CPE: variants seen among roughly 807,000 people sequenced by gnomAD.
CPE encodes the protein carbocypeptidase E.
Under a neutral mutation model 53.5 loss-of-function variants are expected in CPE, and 17 were observed. The ratio of observed to expected loss-of-function variants is 0.32; its 90% CI spans 0.22 to 0.48. The LOEUF (loss-of-function observed/expected upper bound fraction) is 0.48, where lower values mean the gene tolerates loss of function less well. Among genes scored for constraint, CPE ranks in the 20% least tolerant of loss-of-function variants. CPE has a pLI of 0.99. For missense variants in CPE, 524 were observed against 614.7 expected (o/e 0.85, Z 1.56); for synonymous variants, 226 against 228.8 (o/e 0.99, Z 0.11).
intron 3 of CPE, among the ~76,000 whole-genome samples, chr4:165,469,901 G>T (rs1281204873): frequency 3.3e-5 from 5 of 152,192 alleles, no homozygotes; most frequent in Non-Finnish European, 7.3e-5. Flanking sequence ...TGGGATGCTG[G>T]ATGAAGGATC....
In CPE at chr4:165,391,516, T is replaced by C. The variant is rs188351938; in HGVS notation, c.307+11988T>C. Reference sequence around the variant, plus strand: ...CAACTTGCAGTGTAAATCATCCTAATTGGACAGATCACTGAGAAAAAACAA... The same window carrying C: ...CAACTTGCAGTGTAAATCATCCTAACTGGACAGATCACTGAGAAAAAACAA... On this transcript the variant is annotated intron_variant, in intron 1 of 8. Coordinates refer to ENST00000402744, the MANE Select transcript of CPE (RefSeq NM_001873.4). 2.1e-3 allele frequency among the ~76,000 whole-genome samples: 314 copies of C among 152,176 alleles called. 1 individual carries two copies. Among genetic ancestry groups the C allele is most frequent in the African/African-American group, 7.1e-3 (293 of 41,534 alleles).
chr4:165,448,363 C>A (rs1731750792), intron 1 of CPE, among the ~76,000 whole-genome samples: 1 of 152,192 alleles, frequency 6.6e-6, no homozygotes, highest in South Asian at 2.1e-4. Flanking sequence ...CAAGAACATG[C>A]AAGAACAATG....
intron 1 of CPE, among the ~76,000 whole-genome samples, chr4:165,388,953 A>G (rs1730639744): frequency 6.6e-6 from 1 of 152,172 alleles, no homozygotes; most frequent in Admixed American, 6.6e-5. Flanking sequence ...TTTCAACATA[A>G]CCAGCATCAG....
At chr4:165,417,439 A>G (rs1418105737) in intron 1 of CPE, among the ~76,000 whole-genome samples, 1 of 152,214 alleles carries the variant, frequency 6.6e-6, no homozygotes, top group Non-Finnish European at 1.5e-5. Flanking sequence ...TAGGAATTAT[A>G]CTTCTATTTT....
chr4:165,493,665 G>A (rs1482542561), intron 7 of CPE, among the ~76,000 whole-genome samples: 1 of 152,218 alleles, frequency 6.6e-6, no homozygotes, highest in Non-Finnish European at 1.5e-5. Flanking sequence ...CCGAAGGAGG[G>A]AGCGGAAAGA....
intron 1 of CPE, chr4:165,405,572 T>C: frequency 2.4e-6 from 2 of 842,954 alleles, no homozygotes; most frequent in South Asian, 2.6e-5. Flanking sequence ...TGTTAATTTT[T>C]CCACTAATCC....
chr4:165,386,272 G>T, intron 1 of CPE: 3 of 517,756 alleles, frequency 5.8e-6, no homozygotes, highest in South Asian at 4.4e-5. Context: ...TACAATCCCG[G>T]ACAACAAGAA....
intron 1 of CPE, chr4:165,404,208 G>A: frequency 1.3e-6 from 1 of 759,840 alleles, no homozygotes; most frequent in Non-Finnish European, 2.5e-6. Flanking sequence ...AAGCAGAAAG[G>A]CCCTCCAAGA....
intron 1 of CPE, among the ~76,000 whole-genome samples, chr4:165,456,087 G>A (rs1322639847): frequency 6.6e-6 from 1 of 152,128 alleles, no homozygotes; most frequent in Non-Finnish European, 1.5e-5. Flanking sequence ...TTATATGAAT[G>A]GGAATGGAAA....
Position 165,482,333 on chromosome 4 carries a change from A to G in CPE, c.764A>G (p.Asn255Ser), listed in dbSNP as rs1363307800. The G allele has an allele frequency of 2.5e-6, 4 of 1,613,264 alleles. No individual in the cohort carries two copies. Among genetic ancestry groups the G allele is most frequent in the African/African-American group, 1.3e-5 (1 of 74,904 alleles). The change falls in exon 4 of 9, where the codon AAT becomes AGT. Residue 255 changes from asparagine to serine, a missense_variant. Coordinates refer to ENST00000402744, the MANE Select transcript of CPE (RefSeq NM_001873.4). ...ANLHGGDLVA[N>S]YPYDETRSGS... is the part of the protein sequence containing the mutation. The stretch of plus-strand genomic sequence containing the variant: ...CTCCATGGAGGAGACCTTGTGGCCA[A>G]TTATCCATATGATGAGACGCGGAGT...
At position 165,484,435 on chromosome 4, in the gene CPE, A is replaced by G; in HGVS notation, c.804A>G (p.Glu268=). ...YDETRSGSAH[E]YSSSPDDAIF... ...TTTGTTTTCTAGGTAGTGCTCACGAATACAGCTCCTCCCCAGATGACGCCA... is the reference window on the plus strand; with the variant it reads ...TTTGTTTTCTAGGTAGTGCTCACGAGTACAGCTCCTCCCCAGATGACGCCA... Residue 268 remains glutamate (E), a synonymous_variant, in exon 5 of 9, where the codon GAA becomes GAG. Transcript: ENST00000402744. The G allele has an allele frequency of 3.1e-6, 5 of 1,613,946 alleles. No individual in the cohort carries two copies. Among genetic ancestry groups the G allele is most frequent in the Non-Finnish European group, 4.2e-6 (5 of 1,179,878 alleles).
Position 165,379,218 on chromosome 4 carries a change from A to C in CPE, c.-4A>C. The C allele has an allele frequency of 8.1e-7, 1 of 1,229,008 alleles. No homozygotes were observed. The highest frequency in any genetic ancestry group is 1.0e-6 in the Non-Finnish European group (1 of 988,180). 76.1% of individuals were successfully genotyped at this position (1,229,008 alleles called of 1,614,324 possible). ...GGCACGGCCGGCGGCGGCGGAGCGC[A>C]GCGATGGCCGGGCGAGGGGGCAGCG... On this transcript the variant is annotated 5_prime_UTR_variant, in exon 1 of 9. Coordinates refer to ENST00000402744, the MANE Select transcript of CPE (RefSeq NM_001873.4). The surrounding 1 kb of genome is among the most constrained non-coding windows in gnomAD (Gnocchi z 6.0).
rs80026605 is a variant in CPE, at chr4:165,454,774, A to G, written c.308-9616A>G. ...TGACGTACAGTTTTCTCTTTGTTCC[A>G]GAGAACTATCAAAATTGTCACTGAC... On this transcript the variant is annotated intron_variant, in intron 1 of 8. Coordinates refer to ENST00000402744, the MANE Select transcript of CPE (RefSeq NM_001873.4). Among the ~76,000 whole-genome samples the G allele has an allele frequency of 7.4e-3, 1,130 of 152,332 alleles. 12 individuals are homozygous for G. The highest frequency in any genetic ancestry group is 0.025 in the African/African-American group (1,053 of 41,580).
intron 3 of CPE, among the ~76,000 whole-genome samples, chr4:165,477,331 A>G (rs964026464): frequency 6.6e-5 from 10 of 152,240 alleles, no homozygotes; most frequent in Admixed American, 5.9e-4. Flanking sequence ...ACTTCTTTTC[A>G]TAAAGGTAAA....
intron 3 of CPE, among the ~76,000 whole-genome samples, chr4:165,477,625 G>T (rs1436167457): frequency 6.6e-6 from 1 of 151,842 alleles, no homozygotes; most frequent in Non-Finnish European, 1.5e-5. Context: ...CCTTATAGAG[G>T]TTCTTAAATG....
At chr4:165,453,632 G>A (rs572565850) in intron 1 of CPE, among the ~76,000 whole-genome samples, 3 of 152,004 alleles carry the variant, frequency 2.0e-5, no homozygotes, top group East Asian at 2.0e-4. Flanking sequence ...TGATCCTCCC[G>A]CCTTGGTTTC....
intron 2 of CPE, among the ~76,000 whole-genome samples, chr4:165,466,813 G>T (rs1732113583): frequency 6.6e-6 from 1 of 152,064 alleles, no homozygotes; most frequent in Admixed American, 6.6e-5. Flanking sequence ...ACTGCACCTG[G>T]CCACCTTACT....
In CPE at chr4:165,467,805, A is replaced by T. The variant is rs1157024734; in HGVS notation, c.622A>T (p.Asn208Tyr). ...CGTGAATGAGAAAGAAGGTGGTCCA[A>T]ATAATCATCTGTTGAAAAATATGAA... ...VYVNEKEGGP[N>Y]NHLLKNMKKI... is the part of the protein sequence containing the mutation. The change falls in exon 3 of 9, where the codon AAT (asparagine) becomes TAT (tyrosine). Residue 208 changes from asparagine to tyrosine, a missense_variant. Physicochemically the swap from Asn to Tyr is moderately radical, Grantham distance 143. Transcript: ENST00000402744. 6.2e-7 allele frequency: 1 copy of T among 1,613,882 alleles called. No individual in the cohort carries two copies.
At chr4:165,418,768 A>T (rs1019986207) in intron 1 of CPE, among the ~76,000 whole-genome samples, 1 of 152,174 alleles carries the variant, frequency 6.6e-6, no homozygotes, top group South Asian at 2.1e-4. Context: ...TGTACTAAAC[A>T]TTTTTTTCCA....
Sources: gnomAD v4.1 joint callset for allele counts (sites outside exome capture counted in the v4.1 genomes callset) on GRCh38, gnomAD v4.1.1 for gene constraint, Gnocchi (gnomAD v3.1) non-coding constraint, MANE v1.5 for transcripts, NCBI Gene and HGNC (gene_info 2026-07-23, HGNC 2026-07-21) for gene names.